ATP2B2: variants seen among roughly 807,000 people sequenced by gnomAD.
ATP2B2 encodes the protein ATPase plasma membrane Ca2+ transporting 2, also known as plasma membrane calcium-transporting ATPase 2.
ATP2B2 carries 15 observed loss-of-function variants against 120.0 expected under a neutral mutation model. That is an observed-to-expected ratio of 0.12 (90% CI 0.08 to 0.19). The LOEUF (loss-of-function observed/expected upper bound fraction) is 0.19. Among genes scored for constraint, ATP2B2 ranks in the 10% least tolerant of loss-of-function variants. ATP2B2 has a pLI of 1.00. For missense variants in ATP2B2, 1,045 were observed against 1,719.8 expected (o/e 0.61, Z 6.94); for synonymous variants, 694 against 700.3 (o/e 0.99, Z 0.14).
chr3:10,378,105 G>A, intron 10 of ATP2B2, 147 bp downstream of exon 10: 2 of 1,098,746 alleles, frequency 1.8e-6, no homozygotes. Flanking sequence ...ACTCAGACTG[G>A]GTGCTGTGGT....
intron 1 of ATP2B2, among the ~76,000 whole-genome samples, chr3:10,656,813 G>A (rs1004482410): frequency 2.6e-5 from 4 of 152,218 alleles, no homozygotes; most frequent in Non-Finnish European, 4.4e-5. Flanking sequence ...GAGACCTCAA[G>A]GACAAGAAGA....
chr3:10,701,135 G>A (rs1196974250), intron 1 of ATP2B2, among the ~76,000 whole-genome samples: 1 of 152,154 alleles, frequency 6.6e-6, no homozygotes, highest in Non-Finnish European at 1.5e-5. Context: ...AGGAGGAAGA[G>A]GACAAGAAAG....
chr3:10,616,193 G>A (rs1037503004), intron 2 of ATP2B2, among the ~76,000 whole-genome samples: 3 of 152,130 alleles, frequency 2.0e-5, no homozygotes, highest in African/African-American at 4.8e-5. Context: ...CCTAACACCT[G>A]CCACTTCAGA....
chr3:10,706,737 A>C (rs1045012853), intron 1 of ATP2B2, among the ~76,000 whole-genome samples: 2 of 152,202 alleles, frequency 1.3e-5, no homozygotes, highest in African/African-American at 4.8e-5. Flanking sequence ...TAACTCATTC[A>C]GCCATTAGAG....
At chr3:10,423,403 CT>C (rs1423695610) in intron 2 of ATP2B2, among the ~76,000 whole-genome samples, 7 of 152,328 alleles carry the variant, frequency 4.6e-5, no homozygotes, top group Middle Eastern at 3.4e-3. Flanking sequence ...ACCCTGACCC[CT>C]GGCCCAGGCC....
At chr3:10,465,350 T>C (rs542852357) in intron 1 of ATP2B2, among the ~76,000 whole-genome samples, 1 of 152,392 alleles carries the variant, frequency 6.6e-6, no homozygotes, top group African/African-American at 2.4e-5. Context: ...TTCTCAGCCT[T>C]GCAGTTGCCT....
At chr3:10,494,990 G>T (rs2066085660) in intron 1 of ATP2B2, among the ~76,000 whole-genome samples, 1 of 152,200 alleles carries the variant, frequency 6.6e-6, no homozygotes, top group South Asian at 2.1e-4. Context: ...AGGTGCTTAA[G>T]ACATGTAAAC....
chr3:10,367,675 C>T, intron 12 of ATP2B2, among the ~76,000 whole-genome samples: 1 of 152,104 alleles, frequency 6.6e-6, no homozygotes, highest in Non-Finnish European at 1.5e-5. Context: ...TGGGCCTGGG[C>T]TTGGGATTGT....
rs2059849624 is a variant in ATP2B2, at chr3:10,325,954, A to G, written c.*2860T>C. On this transcript the variant is annotated 3_prime_UTR_variant, in exon 23 of 23. Transcript: ENST00000360273. ...AGTATACATTACAGATATATTTACTATGTTCTGTTTGATGTTGTTTTTTGC... is the reference window on the plus strand; with the variant it reads ...AGTATACATTACAGATATATTTACTGTGTTCTGTTTGATGTTGTTTTTTGC... The G allele has an allele frequency of 6.6e-6, 1 of 152,162 alleles. No homozygotes were observed. The highest frequency in any genetic ancestry group is 6.5e-5 in the Admixed American group (1 of 15,282). The allele number at this position is 152,162 out of a possible 1,614,324, so 9.4% of individuals were successfully genotyped here. A position where few individuals can be genotyped will look rare whatever the true frequency, so the allele number is the denominator to read the frequency against.
intron 1 of ATP2B2, among the ~76,000 whole-genome samples, chr3:10,485,666 G>C (rs560260956): frequency 6.6e-5 from 10 of 152,206 alleles, no homozygotes; most frequent in Non-Finnish European, 1.3e-4. Flanking sequence ...AGTGGGGAGA[G>C]AGCCTGTCCA....
At chr3:10,356,210 G>A (rs1275812478) in intron 14 of ATP2B2, among the ~76,000 whole-genome samples, 2 of 151,556 alleles carry the variant, frequency 1.3e-5, no homozygotes, top group African/African-American at 4.9e-5. Flanking sequence ...AAGGCCCTGA[G>A]GCAGGGAGGC....
rs186506006 is a variant in ATP2B2, at chr3:10,350,092, C to T, written c.2404+20G>A. ...CCTGGTGCTGGGCTTCAGGATTGCC[C>T]GTGCCCGCCCAAGTCTTACCTTTAA... is the stretch of plus-strand genomic sequence containing the variant. On this transcript the variant is annotated intron_variant, in intron 16 of 22. Coordinates refer to ENST00000360273, the MANE Select transcript of ATP2B2 (RefSeq NM_001001331.4). 529 of 1,612,850 alleles carry T rather than the reference C, an allele frequency of 3.3e-4. No individual in the cohort carries two copies. The highest frequency in any genetic ancestry group is 6.5e-4 in the African/African-American group (49 of 74,992).
chr3:10,438,300 G>A (rs906198663), intron 2 of ATP2B2, among the ~76,000 whole-genome samples: 1 of 152,192 alleles, frequency 6.6e-6, no homozygotes, highest in Non-Finnish European at 1.5e-5. Flanking sequence ...GAGGCCCCAG[G>A]GAACACTCCA....
At position 10,340,823 on chromosome 3, in the gene ATP2B2, G is replaced by T; in HGVS notation, c.2918-119C>A. The T allele has an allele frequency of 9.7e-7, 1 of 1,025,944 alleles. No individual in the cohort carries two copies. The highest frequency in any genetic ancestry group is 1.5e-6 in the Non-Finnish European group (1 of 672,362). 63.6% of individuals were successfully genotyped at this position (1,025,944 alleles called of 1,614,324 possible). On this transcript the variant is annotated intron_variant, in intron 19 of 22. Coordinates refer to ENST00000360273, the MANE Select transcript of ATP2B2 (RefSeq NM_001001331.4). The surrounding 1 kb of genome is among the most constrained non-coding windows in gnomAD (Gnocchi z 5.0). Reference sequence around the variant, plus strand: ...TGACGTGAATCCCCAAGACATCAAGGCATGCTTGGACAGTGGGGGGCCAGG... The same window carrying T: ...TGACGTGAATCCCCAAGACATCAAGTCATGCTTGGACAGTGGGGGGCCAGG...
intron 11 of ATP2B2, among the ~76,000 whole-genome samples, 182 bp from the exon 12 acceptor site, chr3:10,372,233 C>A (rs758318405): frequency 3.3e-5 from 5 of 152,164 alleles, no homozygotes; most frequent in Non-Finnish European, 5.9e-5. Context: ...CTTCTTTTGT[C>A]TGCGCGTGGC....
At chr3:10,683,730 A>G (rs1211560425) in intron 1 of ATP2B2, among the ~76,000 whole-genome samples, 17 of 134,084 alleles carry the variant, frequency 1.3e-4, no homozygotes, top group South Asian at 5.5e-4. Context: ...GTGTGTGTGT[A>G]TATATATGTG....
At chr3:10,564,011 C>T (rs2067957116) in intron 2 of ATP2B2, among the ~76,000 whole-genome samples, 1 of 152,198 alleles carries the variant, frequency 6.6e-6, no homozygotes, top group Non-Finnish European at 1.5e-5. Context: ...ACACTTCTGA[C>T]CATGTGTTTT....
chr3:10,638,550 G>A (rs766319126), intron 1 of ATP2B2, among the ~76,000 whole-genome samples: 32 of 152,148 alleles, frequency 2.1e-4, no homozygotes, highest in Admixed American at 3.3e-4. Context: ...ACAGGAAATA[G>A]GGAAAAAGTG....
At chr3:10,582,457 C>T (rs1043181544) in intron 2 of ATP2B2, among the ~76,000 whole-genome samples, 1 of 152,168 alleles carries the variant, frequency 6.6e-6, no homozygotes, top group African/African-American at 2.4e-5. Context: ...ACTGACGTTC[C>T]AGTGGGGAGA....
Sources: allele counts gnomAD v4.1 joint callset (sites outside exome capture counted in the v4.1 genomes callset), GRCh38; gene constraint gnomAD v4.1.1; non-coding constraint Gnocchi (gnomAD v3.1); transcripts MANE v1.5; gene names NCBI Gene and HGNC (gene_info 2026-07-23, HGNC 2026-07-21).